The following ARHGAP32 variants were observed in gnomAD, a reference collection of about 807,000 sequenced individuals.
ARHGAP32 encodes the protein rho GTPase-activating protein 32.
A neutral mutation model predicts 186.5 loss-of-function variants in ARHGAP32; 51 were observed. The observed-to-expected ratio is 0.27, with a 90% CI of 0.22 to 0.35. The LOEUF (loss-of-function observed/expected upper bound fraction) is 0.35, where lower values mean the gene tolerates loss of function less well. Among genes scored for constraint, ARHGAP32 ranks in the 10% least tolerant of loss-of-function variants. ARHGAP32 has a pLI of 1.00. For missense variants in ARHGAP32, 2,186 were observed against 2,623.5 expected, an observed-to-expected ratio of 0.83 and a Z score of 3.64; for synonymous variants, 950 against 964.3, an observed-to-expected ratio of 0.99 and a Z score of 0.27.
At chr11:129,158,698 G>T (rs1358969023) in intron 2 of ARHGAP32, among the ~76,000 whole-genome samples, 1 of 152,102 alleles carries the variant, frequency 6.6e-6, no homozygotes, top group Non-Finnish European at 1.5e-5. Context: ...ACCCAGCTCT[G>T]GATGAAACAG....
chr11:129,090,603 A>C (rs1941546053), intron 6 of ARHGAP32, among the ~76,000 whole-genome samples: 1 of 152,200 alleles, frequency 6.6e-6, no homozygotes, highest in Non-Finnish European at 1.5e-5. Flanking sequence ...TACAGAAGGA[A>C]AAGATCAAAA....
chr11:128,978,791 T>A lies in ARHGAP32; in HGVS notation c.2101A>T (p.Met701Leu). 6.2e-7 allele frequency: 1 copy of A among 1,611,374 alleles called. No individual in the cohort carries two copies. The change falls in exon 19 of 23, where the codon ATG (methionine) becomes TTG (leucine). Residue 701 changes from methionine (M) to leucine (L), a missense_variant. By Grantham distance (15) the Met-to-Leu change is conservative. This residue lies in a region of ARHGAP32 where 263 missense variants were observed against 323.5 expected (regional missense o/e 0.81). Transcript: ENST00000682385. ...TCACCTTTCAGAGCCATGGCTTTCA[T>A]CTCTGAAGGCTCACTCTCATTCCGC... is the stretch of plus-strand genomic sequence containing the variant. ...LQRNESEPSE[M>L]KAMALKGGRA...
upstream of ARHGAP32, among the ~76,000 whole-genome samples, chr11:129,193,687 TA>T: frequency 2.9e-5 from 1 of 34,648 alleles, no homozygotes; most frequent in Admixed American, 5.9e-4. Flanking sequence ...ATATAATATA[TA>T]TTATATAATA....
chr11:129,203,732 AAAAG>A (rs1944484618), intron 1 of ARHGAP32, among the ~76,000 whole-genome samples: 1 of 148,966 alleles, frequency 6.7e-6, no homozygotes, highest in East Asian at 1.9e-4. Context: ...AAAAAAAAAA[AAAAG>A]AAAGAAAAAA....
chr11:129,273,726 A>G (rs983852381), intron 1 of ARHGAP32, among the ~76,000 whole-genome samples: 3 of 152,288 alleles, frequency 2.0e-5, no homozygotes, highest in African/African-American at 7.2e-5. Flanking sequence ...TCCATGCTAC[A>G]CACAGGGAAT....
At chr11:129,038,007 A>G (rs750115438) in intron 11 of ARHGAP32, among the ~76,000 whole-genome samples, 1 of 151,846 alleles carries the variant, frequency 6.6e-6, no homozygotes, top group Non-Finnish European at 1.5e-5. Context: ...AGGCTGAGGC[A>G]AGAGAATTGC....
intron 6 of ARHGAP32, among the ~76,000 whole-genome samples, chr11:129,084,393 T>C (rs967784037): frequency 4.1e-5 from 6 of 147,934 alleles, no homozygotes; most frequent in Admixed American, 6.7e-5. Flanking sequence ...TGAACATACA[T>C]GCAAAAATCA....
At chr11:129,190,731 T>C (rs1010598231) in intron 1 of ARHGAP32, among the ~76,000 whole-genome samples, 2 of 152,180 alleles carry the variant, frequency 1.3e-5, no homozygotes, top group Admixed American at 6.6e-5. Context: ...ATAATTTGAA[T>C]ACCAGGTCAA....
Position 128,965,305 on chromosome 11 carries a change from A to G in ARHGAP32, c.*3602T>C, listed in dbSNP as rs1048393806. ...GGGGCAAGAAATAAATCACAAAACT[A>G]TTTACAAAAATACACAAGCTTATAT... On this transcript the variant is annotated 3_prime_UTR_variant, in exon 23 of 23. Coordinates refer to ENST00000682385, the MANE Select transcript of ARHGAP32 (RefSeq NM_001378024.1). The G allele has an allele frequency of 6.6e-6, 1 of 152,104 alleles. No homozygotes were observed. Among genetic ancestry groups the G allele is most frequent in the South Asian group, 2.1e-4 (1 of 4,826 alleles). 9.4% of individuals were successfully genotyped at this position (152,104 alleles called of 1,614,324 possible).
intron 11 of ARHGAP32, chr11:129,030,347 GTGAAAATT>G (rs1939058043): frequency 1.3e-5 from 2 of 152,280 alleles, no homozygotes; most frequent in South Asian, 4.1e-4. Flanking sequence ...GAGCAAGCAA[GTGAAAATT>G]TAGAACAAAA....
At chr11:129,058,563 C>T (rs1405030291) in intron 10 of ARHGAP32, among the ~76,000 whole-genome samples, 1 of 152,178 alleles carries the variant, frequency 6.6e-6, no homozygotes, top group African/African-American at 2.4e-5. Context: ...TCATGGTTTT[C>T]ACCCCTACTG....
At chr11:129,111,755 AT>A (rs1403792965) in intron 5 of ARHGAP32, among the ~76,000 whole-genome samples, 7 of 151,042 alleles carry the variant, frequency 4.6e-5, no homozygotes, top group Admixed American at 1.3e-4. Context: ...TTTTTCTTTT[AT>A]TTTTTCCCCC....
chr11:129,166,263 A>C (rs1195209507), intron 1 of ARHGAP32, among the ~76,000 whole-genome samples: 1 of 152,146 alleles, frequency 6.6e-6, no homozygotes, highest in Non-Finnish European at 1.5e-5. Context: ...GGTTTAAAAA[A>C]AAAGATCTCA....
intron 1 of ARHGAP32, among the ~76,000 whole-genome samples, chr11:129,187,395 C>T (rs2439793): frequency 0.65 from 98,613 of 150,556 alleles, 32,732 homozygotes; most frequent in Non-Finnish European, 0.72. Flanking sequence ...TAGTGGGAGG[C>T]TGGTGGGGAT....
At position 128,991,474 on chromosome 11, in the gene ARHGAP32, C is replaced by T. The variant is rs533649353; in HGVS notation, c.1196-3349G>A. On this transcript the variant is annotated intron_variant, in intron 12 of 22. Transcript: ENST00000682385. The stretch of plus-strand genomic sequence containing the variant: ...GTCAGAAGAAAAAAGAAGAAAAGAT[C>T]TGTTTTATTTTTTCACGAAAGAGTA... 2.2e-4 allele frequency among the ~76,000 whole-genome samples: 34 copies of T among 151,844 alleles called. No individual in the cohort carries two copies. In the South Asian group the frequency reaches 6.8e-3, roughly 31 times the overall value.
In ARHGAP32 at chr11:128,970,422, C is replaced by T; in HGVS notation, c.4791G>A (p.Val1597=). The change falls in exon 23 of 23, where the codon GTG becomes GTA. Residue 1597 remains valine (V), a synonymous_variant. Coordinates refer to ENST00000682385, the MANE Select transcript of ARHGAP32 (RefSeq NM_001378024.1). This position sits in a 1 kb window ranked among gnomAD's most constrained non-coding sequence, Gnocchi z 5.8. ...DIPPYPTIRR[V]QSLHAPPSSM... ...AAGACGGCGGAGCATGGAGAGACTG[C>T]ACTCTCCGGATGGTAGGGTACGGTG... The T allele has an allele frequency of 6.2e-7, 1 of 1,614,128 alleles. No homozygotes were observed.
chr11:129,104,021 C>T (rs919965846), intron 5 of ARHGAP32, among the ~76,000 whole-genome samples: 4 of 151,982 alleles, frequency 2.6e-5, no homozygotes, highest in Admixed American at 6.6e-5. Flanking sequence ...ACAGATGGAA[C>T]GGTTTAAGAA....
chr11:129,247,530 C>T (rs1283244170), intron 1 of ARHGAP32, among the ~76,000 whole-genome samples: 1 of 152,078 alleles, frequency 6.6e-6, no homozygotes, highest in Non-Finnish European at 1.5e-5. Flanking sequence ...AATCTGCCTT[C>T]AAAGAAATTT....
intron 1 of ARHGAP32, among the ~76,000 whole-genome samples, chr11:129,209,002 T>C (rs1412322572): frequency 6.6e-6 from 1 of 152,064 alleles, no homozygotes; most frequent in Admixed American, 6.6e-5. Flanking sequence ...AAGATATGAG[T>C]ATGCCACAAG....
Sources: gnomAD v4.1 joint callset for allele counts (sites outside exome capture counted in the v4.1 genomes callset) on GRCh38, gnomAD v4.1.1 for gene constraint, gnomAD v4.1.1 regional missense constraint, Gnocchi (gnomAD v3.1) non-coding constraint, MANE v1.5 for transcripts, NCBI Gene and HGNC (gene_info 2026-07-23, HGNC 2026-07-21) for gene names.